MTARC2: variants seen among roughly 807,000 people sequenced by gnomAD.
MTARC2 encodes MOCO sulphurase C-terminal domain containing 2.
In MTARC2, 27 loss-of-function variants were observed where a neutral mutation model predicts 35.6. The ratio of observed to expected loss-of-function variants is 0.76; its 90% CI spans 0.56 to 1.04. The LOEUF (loss-of-function observed/expected upper bound fraction) is 1.04, where lower values mean the gene tolerates loss of function less well. MTARC2 is among the 50% of genes least tolerant of loss of function. The pLI, the probability that MTARC2 is intolerant of heterozygous loss-of-function variation, is 0.00. For synonymous variants in MTARC2, 158 were observed against 167.1 expected (o/e 0.95, Z 0.42); for missense variants, 412 against 432.5 (o/e 0.95, Z 0.42).
intron 4 of MTARC2, among the ~76,000 whole-genome samples, chr1:220,764,984 C>T (rs77481136): frequency 0.013 from 2,036 of 152,264 alleles, 32 homozygotes; most frequent in East Asian, 0.059. Context: ...AATGTTCCAA[C>T]ATGAGGGGCA....
chr1:220,782,234 G>A (rs1022955092), intron 7 of MTARC2, among the ~76,000 whole-genome samples: 1 of 152,188 alleles, frequency 6.6e-6, no homozygotes. Flanking sequence ...ATAGGGAAAT[G>A]AAGGTGATTG....
At chr1:220,764,070 C>CT (rs1410858051) in intron 4 of MTARC2, among the ~76,000 whole-genome samples, 1 of 151,910 alleles carries the variant, frequency 6.6e-6, no homozygotes, top group Admixed American at 6.6e-5. Context: ...ACCGTACTTC[C>CT]TTTTGTGTGA....
chr1:220,781,463 C>T (rs758020578), intron 6 of MTARC2, among the ~76,000 whole-genome samples: 1 of 152,146 alleles, frequency 6.6e-6, no homozygotes, highest in Admixed American at 6.5e-5. Flanking sequence ...GTTTTAGGGG[C>T]ATTTGTTTCA....
chr1:220,762,009 G>T (rs1671451912), intron 3 of MTARC2, among the ~76,000 whole-genome samples, 189 bp downstream of exon 3: 1 of 152,160 alleles, frequency 6.6e-6, no homozygotes, highest in Non-Finnish European at 1.5e-5. Flanking sequence ...GATATGAGAG[G>T]TGTCTCAAAA....
At chr1:220,772,469 A>G (rs894342834) in intron 4 of MTARC2, among the ~76,000 whole-genome samples, 5 of 152,158 alleles carry the variant, frequency 3.3e-5, no homozygotes, top group African/African-American at 9.7e-5. Flanking sequence ...TTAGTCCCCA[A>G]ATTCTAAAAT....
At position 220,755,127 on chromosome 1, in the gene MTARC2, C is replaced by T. The variant is rs191060592; in HGVS notation, c.446+7C>T. The T allele has an allele frequency of 7.7e-5, 123 of 1,591,674 alleles. 2 individuals are homozygous for T. In the East Asian group the frequency reaches 1.0e-3, roughly 13 times the overall value. On this transcript the variant is annotated splice_region_variant and intron_variant, in intron 2 of 7. Coordinates refer to ENST00000366913, the MANE Select transcript of MTARC2 (RefSeq NM_017898.5). ...ACAAACTCCACAACTGCAGGTGTTC[C>T]GCTTGGGGGCATCCACAGAACTGCA...
intron 4 of MTARC2, among the ~76,000 whole-genome samples, chr1:220,768,090 A>G (rs1671634139): frequency 6.6e-6 from 1 of 152,212 alleles, no homozygotes; most frequent in Non-Finnish European, 1.5e-5. Context: ...ACTGCTATTG[A>G]ACACTTACTA....
rs975906886 is a variant in MTARC2, at chr1:220,784,097, G to A, written c.*210G>A. The A allele has an allele frequency of 1.7e-6, 1 of 582,768 alleles. No homozygotes were observed. Among genetic ancestry groups the A allele is most frequent in the African/African-American group, 1.9e-5 (1 of 53,430 alleles). The allele number at this position is 582,768 out of a possible 1,614,324, so 36.1% of individuals were successfully genotyped here. A position where few individuals can be genotyped will look rare whatever the true frequency, so the allele number is the denominator to read the frequency against. On this transcript the variant is annotated 3_prime_UTR_variant, in exon 8 of 8. Coordinates refer to ENST00000366913, the MANE Select transcript of MTARC2 (RefSeq NM_017898.5). ...AGGAAAGTATTAGAGGGGGGAATAT[G>A]AAAGTATATATATAAATTTTAGGTA...
chr1:220,773,036 C>T (rs903720460), intron 4 of MTARC2, among the ~76,000 whole-genome samples: 1 of 152,016 alleles, frequency 6.6e-6, no homozygotes, highest in Non-Finnish European at 1.5e-5. Flanking sequence ...TCAATCATAC[C>T]TGACTTTATG....
At chr1:220,778,859 T>C (rs1671990367) in intron 4 of MTARC2, among the ~76,000 whole-genome samples, 1 of 152,194 alleles carries the variant, frequency 6.6e-6, no homozygotes, top group African/African-American at 2.4e-5. Flanking sequence ...AAGTTGAGGC[T>C]GAGGGAAATC....
chr1:220,757,525 C>T (rs1228343964), intron 2 of MTARC2, among the ~76,000 whole-genome samples: 1 of 152,180 alleles, frequency 6.6e-6, no homozygotes, highest in African/African-American at 2.4e-5. Context: ...AAACAACTGA[C>T]ATTTATTTCT....
At chr1:220,756,891 G>A (rs570825767) in intron 2 of MTARC2, among the ~76,000 whole-genome samples, 4 of 152,288 alleles carry the variant, frequency 2.6e-5, no homozygotes, top group African/African-American at 9.6e-5. Context: ...AGCAATTGCA[G>A]CCTATTCTTT....
In MTARC2 at chr1:220,767,784, GA is replaced by G. The variant is rs1247320670; in HGVS notation, c.750+4735del. Among the ~76,000 whole-genome samples, 2 of 152,256 alleles carry G rather than the reference GA, an allele frequency of 1.3e-5. 1 individual carries two copies. Among genetic ancestry groups the G allele is most frequent in the Non-Finnish European group, 2.9e-5 (2 of 68,046 alleles). ...GAAGTGTTTCTCCAGGAAACTTCCA[GA>G]GAGGGAGATTTTGAAGCTGAACAGC... On this transcript the variant is annotated intron_variant, in intron 4 of 7. Coordinates refer to ENST00000366913, the MANE Select transcript of MTARC2 (RefSeq NM_017898.5).
rs770155330 is a variant in MTARC2, at chr1:220,754,393, G to C, written c.273-554G>C. 73 of 456,348 alleles carry C rather than the reference G, an allele frequency of 1.6e-4. 1 individual carries two copies. Among genetic ancestry groups the C allele is most frequent in the South Asian group, 1.1e-3 (72 of 64,570 alleles). 28.3% of individuals were successfully genotyped at this position (456,348 alleles called of 1,614,324 possible). ...AATGTGTGCATGAAGAGGAAAGGCT[G>C]TTTGGGAGGTTTCCTGATGTAGGAC... is the stretch of plus-strand genomic sequence containing the variant. On this transcript the variant is annotated intron_variant, in intron 1 of 7. Transcript: ENST00000366913.
chr1:220,763,083 C>T, intron 4 of MTARC2, 33 bp downstream of exon 4: 2 of 1,614,040 alleles, frequency 1.2e-6, no homozygotes, highest in East Asian at 2.2e-5. Flanking sequence ...GCATCATGCT[C>T]AGATGTGCTG....
At chr1:220,770,931 T>C (rs1007813290) in intron 4 of MTARC2, among the ~76,000 whole-genome samples, 19 of 152,260 alleles carry the variant, frequency 1.2e-4, no homozygotes, top group African/African-American at 4.3e-4. Context: ...AGAGCTCTGC[T>C]TCCCTTTTTG....
intron 7 of MTARC2, among the ~76,000 whole-genome samples, chr1:220,783,631 T>C (rs942588689): frequency 6.6e-6 from 1 of 152,238 alleles, no homozygotes; most frequent in East Asian, 1.9e-4. Flanking sequence ...TCCAATTGTC[T>C]CTGCTGCCCA....
At chr1:220,749,041 TAA>T (rs577565980) in intron 1 of MTARC2, among the ~76,000 whole-genome samples, 1 of 152,328 alleles carries the variant, frequency 6.6e-6, no homozygotes, top group Non-Finnish European at 1.5e-5. Context: ...TCCTCCTCTG[TAA>T]CAGGAGGGGG....
chr1:220,753,358 T>A (rs1011877045), intron 1 of MTARC2, among the ~76,000 whole-genome samples: 6 of 152,250 alleles, frequency 3.9e-5, no homozygotes, highest in African/African-American at 1.4e-4. Flanking sequence ...GCCTTTACAC[T>A]GCCACACCAT....
Sources: gnomAD v4.1 joint callset for allele counts (sites outside exome capture counted in the v4.1 genomes callset) on GRCh38, gnomAD v4.1.1 for gene constraint, MANE v1.5 for transcripts, NCBI Gene and HGNC (gene_info 2026-07-23, HGNC 2026-07-21) for gene names.